The following SHANK2 variants were observed in gnomAD, a reference collection of about 807,000 sequenced individuals.
SHANK2 encodes SH3 and multiple ankyrin repeat domains 2.
A neutral mutation model predicts 133.7 loss-of-function variants in SHANK2; 43 were observed. The ratio of observed to expected loss-of-function variants is 0.32; its 90% confidence interval spans 0.25 to 0.41. The LOEUF is 0.41. SHANK2 is among the 10% of genes least tolerant of loss of function. The pLI is 1.00. For missense variants in SHANK2, 1,994 were observed against 2,235.8 expected, an observed-to-expected ratio of 0.89 and a Z score of 2.18; for synonymous variants, 1,017 against 952.8, an observed-to-expected ratio of 1.07 and a Z score of -1.24.
intron 16 of SHANK2, among the ~76,000 whole-genome samples, chr11:70,661,304 G>A (rs1565223155): frequency 1.3e-5 from 2 of 152,050 alleles, no homozygotes; most frequent in African/African-American, 2.4e-5. Flanking sequence ...AAGGTAGGAG[G>A]GGCAGGAGGG....
rs955142679 is a variant in SHANK2, at chr11:71,055,979, A to T, written c.1107+502T>A. On this transcript the variant is annotated intron_variant, in intron 10 of 25. Transcript: ENST00000601538. ...GTGATGCTATATGTATTTTGCCACA[A>T]TTTTTAAAAAAGTTTAGGACCTGGG... Among the ~76,000 whole-genome samples, 698 of 152,198 alleles carry T rather than the reference A, an allele frequency of 4.6e-3. 2 individuals carry two copies. Among genetic ancestry groups the T allele is most frequent in the African/African-American group, 0.016 (674 of 41,538 alleles).
intron 11 of SHANK2, chr11:70,895,629 G>A (rs1427940565): frequency 6.6e-6 from 1 of 152,520 alleles, no homozygotes; most frequent in Non-Finnish European, 1.5e-5. Context: ...CAACCAGAGG[G>A]GAGCCGAGAG....
rs1954230205 is a variant in SHANK2 at position 71,210,218 on chromosome 11, A to ATG, written c.-13+14478_-13+14479insCA. Among the ~76,000 whole-genome samples, 11 of 52,198 alleles carry ATG rather than the reference A, an allele frequency of 2.1e-4. No homozygotes were observed. The South Asian group carries it at 3.7e-3, about 17-fold the overall frequency. The allele number at this position is 52,198 out of a possible 152,430, so 34.2% of individuals were successfully genotyped here. On this transcript the variant is annotated intron_variant, in intron 2 of 25. Coordinates refer to ENST00000601538, the MANE Select transcript of SHANK2 (RefSeq NM_012309.5). ...TCATTGGAAATCCACAGGTATATAT[A>ATG]TATATATATATATATATATATATAT...
intron 8 of SHANK2, among the ~76,000 whole-genome samples, chr11:71,078,398 T>TAA (rs1238840297): frequency 6.6e-6 from 1 of 151,670 alleles, no homozygotes; most frequent in African/African-American, 2.4e-5. Flanking sequence ...ATGGTAGGAT[T>TAA]AAAAAAAAAT....
chr11:70,808,401 C>A (rs1948208490), intron 12 of SHANK2, among the ~76,000 whole-genome samples: 1 of 151,730 alleles, frequency 6.6e-6, no homozygotes, highest in African/African-American at 2.4e-5. Flanking sequence ...GCGGTTTCAC[C>A]ATGTTCACCA....
chr11:70,643,421 G>T (rs374938872), intron 17 of SHANK2, among the ~76,000 whole-genome samples: 2 of 151,984 alleles, frequency 1.3e-5, no homozygotes, highest in African/African-American at 4.8e-5. Context: ...AAAATTAGCC[G>T]GGCGTGGTGG....
chr11:71,173,667 C>T (rs1245343792), intron 2 of SHANK2, among the ~76,000 whole-genome samples: 1 of 152,242 alleles, frequency 6.6e-6, no homozygotes. Context: ...TCTCAAAATT[C>T]GTCTTCACCC....
chr11:70,651,354 G>A (rs1332152725), intron 17 of SHANK2, among the ~76,000 whole-genome samples: 2 of 152,128 alleles, frequency 1.3e-5, no homozygotes, highest in Non-Finnish European at 1.5e-5. Context: ...AAGATTCCTG[G>A]GCCACTCCTC....
intron 15 of SHANK2, among the ~76,000 whole-genome samples, chr11:70,697,635 A>T (rs534358430): frequency 2.0e-4 from 30 of 152,316 alleles, no homozygotes; most frequent in African/African-American, 6.7e-4. Flanking sequence ...TACTTCAATC[A>T]AAACAGACAA....
At chr11:71,217,284 T>C (rs189916010) in intron 2 of SHANK2, among the ~76,000 whole-genome samples, 1 of 151,978 alleles carries the variant, frequency 6.6e-6, no homozygotes, top group Admixed American at 6.6e-5. Flanking sequence ...GGCAGGTGGA[T>C]CACTTGAGGT....
At chr11:71,155,150 G>A (rs1468537634) in intron 2 of SHANK2, among the ~76,000 whole-genome samples, 1 of 98,618 alleles carries the variant, frequency 1.0e-5, no homozygotes. Context: ...CGCTCCCGGA[G>A]GAGGAGTGGA....
intron 17 of SHANK2, among the ~76,000 whole-genome samples, chr11:70,633,129 G>C (rs980954460): frequency 1.4e-4 from 21 of 149,958 alleles, no homozygotes; most frequent in Non-Finnish European, 3.0e-4. Context: ...ATATAAATAC[G>C]TTATATATAT....
At chr11:71,190,924 T>G (rs1182096675) in intron 2 of SHANK2, among the ~76,000 whole-genome samples, 1 of 151,978 alleles carries the variant, frequency 6.6e-6, no homozygotes, top group Admixed American at 6.5e-5. Flanking sequence ...TGCATACATA[T>G]GCATGCATGC....
rs34446408 is a variant in SHANK2, at chr11:70,678,532, CTTTTTTTTT to C, written c.1854-16863_1854-16855del. On this transcript the variant is annotated intron_variant, in intron 15 of 25. Coordinates refer to ENST00000601538, the MANE Select transcript of SHANK2 (RefSeq NM_012309.5). Reference sequence around the variant, plus strand: ...TCATTTCCAGTCTGCTAAGAACAGGCTTTTTTTTTTTTTTTTTTTTTTTGAGATGGAGTC... The same window carrying C: ...TCATTTCCAGTCTGCTAAGAACAGGCTTTTTTTTTTTTTTGAGATGGAGTC... Among the ~76,000 whole-genome samples, 489 of 77,088 alleles carry C rather than the reference CTTTTTTTTT, an allele frequency of 6.3e-3. 4 individuals carry two copies. Among genetic ancestry groups the C allele is most frequent in the African/African-American group, 0.023 (461 of 20,360 alleles). The allele number at this position is 77,088 out of a possible 152,430, so 50.6% of individuals were successfully genotyped here. A position where few individuals can be genotyped will look rare whatever the true frequency, so the allele number is the denominator to read the frequency against.
chr11:70,733,916 C>T (rs1304451821), intron 14 of SHANK2, among the ~76,000 whole-genome samples: 1 of 152,180 alleles, frequency 6.6e-6, no homozygotes, highest in African/African-American at 2.4e-5. Context: ...CCCCTGGGTG[C>T]CTTTGCTAGG....
intron 17 of SHANK2, among the ~76,000 whole-genome samples, chr11:70,624,984 A>C (rs2060885296): frequency 1.3e-5 from 2 of 152,094 alleles, no homozygotes; most frequent in African/African-American, 4.8e-5. Flanking sequence ...ACCCTTCCTC[A>C]ATTCAGACAC....
In SHANK2 at chr11:71,092,603, A is replaced by G; in HGVS notation, c.745-14T>C. 1 of 1,549,708 alleles carries G rather than the reference A, an allele frequency of 6.5e-7. No individual in the cohort carries two copies. The highest frequency in any genetic ancestry group is 8.7e-7 in the Non-Finnish European group (1 of 1,145,334). On this transcript the variant is annotated splice_polypyrimidine_tract_variant and intron_variant, in intron 7 of 25. Transcript: ENST00000601538. ...CTCTAAAAGGGTCTAGGAAAAAAAA[A>G]TTGAAAGCCGTCGTTATTGGTCTCA... is the stretch of plus-strand genomic sequence containing the variant.
intron 17 of SHANK2, among the ~76,000 whole-genome samples, chr11:70,592,501 CCT>C (rs1554988305): frequency 6.6e-6 from 1 of 152,040 alleles, no homozygotes; most frequent in East Asian, 1.9e-4. Flanking sequence ...CAGCACACCC[CCT>C]CCAGCCACGG....
At chr11:71,140,840 G>A (rs531152839) in intron 3 of SHANK2, among the ~76,000 whole-genome samples, 2 of 152,320 alleles carry the variant, frequency 1.3e-5, no homozygotes, top group African/African-American at 2.4e-5. Context: ...TGCTTCCCAC[G>A]CAGCGCTGCC....
Sources: gnomAD v4.1 joint callset for allele counts (sites outside exome capture counted in the v4.1 genomes callset) on GRCh38, gnomAD v4.1.1 for gene constraint, MANE v1.5 for transcripts, NCBI Gene and HGNC (gene_info 2026-07-23, HGNC 2026-07-21) for gene names.